The following HRH2 variants were observed in gnomAD, a reference collection of about 807,000 sequenced individuals.
HRH2 encodes the protein histamine receptor H2.
HRH2 carries 4 observed loss-of-function variants against 20.1 expected under a neutral mutation model. The observed-to-expected ratio is 0.20, with a 90% CI of 0.10 to 0.45. The LOEUF is 0.45. HRH2 is among the 20% of genes least tolerant of loss of function. The pLI, the probability that HRH2 is intolerant of heterozygous loss-of-function variation, is 0.99. For synonymous variants in HRH2, 197 were observed against 200.7 expected (o/e 0.98, Z 0.16); for missense variants, 250 against 461.6 (o/e 0.54, Z 4.20).
At chr5:175,670,116 A>G (rs2113486761) in intron 1 of HRH2, among the ~76,000 whole-genome samples, 1 of 152,244 alleles carries the variant, frequency 6.6e-6, no homozygotes, top group African/African-American at 2.4e-5. Context: ...TCCAATCCAA[A>G]GGGGACAGGT....
intron 1 of HRH2, among the ~76,000 whole-genome samples, chr5:175,668,542 C>A (rs1755397282): frequency 6.6e-6 from 1 of 152,140 alleles, no homozygotes; most frequent in Non-Finnish European, 1.5e-5. Flanking sequence ...AGGCTCAAAG[C>A]AAAGTCATCT....
chr5:175,680,804 T>TG (rs1413373327), intron 1 of HRH2, among the ~76,000 whole-genome samples: 1 of 151,980 alleles, frequency 6.6e-6, no homozygotes. Context: ...ACAGCAGAAG[T>TG]GGTGCTTCTT....
Position 175,673,191 on chromosome 5 carries a change from G to A in HRH2, c.-525-9518G>A, listed in dbSNP as rs150497470. ...TTCAGGCAAGAGAGGGTGATGGCTC[G>A]AACTAGGACTAGGACGGGGGCAGCT... is the stretch of plus-strand genomic sequence containing the variant. On this transcript the variant is annotated intron_variant, in intron 1 of 2. Coordinates refer to ENST00000636584, the MANE Select transcript of HRH2 (RefSeq NM_001367711.1). Among the ~76,000 whole-genome samples the A allele has an allele frequency of 8.6e-4, 131 of 152,206 alleles. 1 individual carries two copies. Among genetic ancestry groups the A allele is most frequent in the African/African-American group, 2.8e-3 (118 of 41,528 alleles).
rs753045214 is a variant in HRH2, at chr5:175,684,295, G to C, written c.1062G>C (p.Gln354His). Residue 354 changes from glutamine to histidine, a missense_variant, in exon 2 of 3, where the codon CAG becomes CAC. Around this residue, in one of 5 missense-constraint regions of HRH2, gnomAD observed 55 missense variants for 66.9 expected, o/e 0.82. Coordinates refer to ENST00000636584, the MANE Select transcript of HRH2 (RefSeq NM_001367711.1). The part of the protein sequence containing the change: ...VWSGTEVTAP[Q>H]GATDRKPALS... ...GTGGGACAGAAGTCACGGCCCCCCA[G>C]GGAGCCACAGACAGGTAATAGCCCT... 6.2e-6 allele frequency: 10 copies of C among 1,613,876 alleles called. No individual in the cohort carries two copies. In the East Asian group the frequency reaches 2.2e-4, roughly 36 times the overall value.
In HRH2 at chr5:175,686,273, A is replaced by T. The variant is rs898828708; in HGVS notation, c.1076+1964A>T. 2.0e-5 allele frequency: 3 copies of T among 152,252 alleles called. No homozygotes were observed. 9.4% of individuals were successfully genotyped at this position (152,252 alleles called of 1,614,324 possible). On this transcript the variant is annotated intron_variant, in intron 2 of 2. Transcript: ENST00000636584. The surrounding 1 kb of genome is among the most constrained non-coding windows in gnomAD (Gnocchi z 4.7). ...TTGCCACTCTTGGGTTTAGTCTTGT[A>T]TATCACTTTGTGCTGCCGTTACTTG...
intron 2 of HRH2, among the ~76,000 whole-genome samples, chr5:175,699,571 G>C (rs1561740863): frequency 6.7e-6 from 1 of 149,382 alleles, no homozygotes; most frequent in Non-Finnish European, 1.5e-5. Context: ...GGTTGTTTTT[G>C]TTTTGTTTGT....
At chr5:175,674,017 T>C (rs1755667005) in intron 1 of HRH2, among the ~76,000 whole-genome samples, 1 of 152,184 alleles carries the variant, frequency 6.6e-6, no homozygotes, top group Non-Finnish European at 1.5e-5. Context: ...CTCAATTTTC[T>C]TTTTCAATGT....
rs1018754615 is a variant in HRH2, at chr5:175,681,313, G to A, written c.-525-1396G>A. Among the ~76,000 whole-genome samples, 11 of 152,338 alleles carry A rather than the reference G, an allele frequency of 7.2e-5. No individual in the cohort carries two copies. The highest frequency in any genetic ancestry group is 2.6e-4 in the African/African-American group (11 of 41,580). On this transcript the variant is annotated intron_variant, in intron 1 of 2. Transcript: ENST00000636584. The surrounding 1 kb of genome is among the most constrained non-coding windows in gnomAD (Gnocchi z 4.3). Reference sequence around the variant, plus strand: ...CCCTGATCCCTGCACGAACACAATCGTTGTGATTAAATGATGCTTCTCATA... The same window carrying A: ...CCCTGATCCCTGCACGAACACAATCATTGTGATTAAATGATGCTTCTCATA...
intron 1 of HRH2, among the ~76,000 whole-genome samples, chr5:175,670,005 G>A (rs1442931805): frequency 3.3e-5 from 5 of 152,268 alleles, no homozygotes; most frequent in Non-Finnish European, 5.9e-5. Context: ...CAGCCCCCTC[G>A]GGGTGACAAA....
intron 2 of HRH2, among the ~76,000 whole-genome samples, chr5:175,696,899 C>T (rs1247317927): frequency 6.6e-6 from 1 of 152,250 alleles, no homozygotes; most frequent in Non-Finnish European, 1.5e-5. Flanking sequence ...CGCAGTGCAG[C>T]AGGAGCTCAG....
chr5:175,682,567 C>T (rs1486457051), intron 1 of HRH2, 142 bp from the exon 2 acceptor site: 1 of 152,492 alleles, frequency 6.6e-6, no homozygotes, highest in Non-Finnish European at 1.5e-5. Context: ...CAAGTCCCTC[C>T]CAAAAAGAGG....
At position 175,680,095 on chromosome 5, in the gene HRH2, G is replaced by A. The variant is rs377169264; in HGVS notation, c.-525-2614G>A. 2.8e-4 allele frequency among the ~76,000 whole-genome samples: 42 copies of A among 152,334 alleles called. 1 individual carries two copies. The South Asian group carries it at 4.6e-3, about 17-fold the overall frequency. ...GAGGATCCAGCAGGACAGTTGTGCC[G>A]TGGTTCATTAAACCTTCTTCCCCCT... On this transcript the variant is annotated intron_variant, in intron 1 of 2. Coordinates refer to ENST00000636584, the MANE Select transcript of HRH2 (RefSeq NM_001367711.1).
At chr5:175,672,133 T>G (rs541277780) in intron 1 of HRH2, among the ~76,000 whole-genome samples, 1 of 152,336 alleles carries the variant, frequency 6.6e-6, no homozygotes, top group Admixed American at 6.5e-5. Context: ...AATTTTCTGC[T>G]GAGGAAACTG....
At chr5:175,680,612 T>G (rs1388688306) in intron 1 of HRH2, among the ~76,000 whole-genome samples, 1 of 152,188 alleles carries the variant, frequency 6.6e-6, no homozygotes, top group Non-Finnish European at 1.5e-5. Flanking sequence ...ACATGATTCT[T>G]CCTCACAGGC....
At chr5:175,679,500 G>T (rs140651491) in intron 1 of HRH2, among the ~76,000 whole-genome samples, 66 of 152,362 alleles carry the variant, frequency 4.3e-4, no homozygotes, top group East Asian at 9.7e-4. Context: ...CATGTGCAAA[G>T]GCACAGAATC....
intron 1 of HRH2, among the ~76,000 whole-genome samples, chr5:175,680,083 G>T (rs186087263): frequency 2.9e-4 from 44 of 152,320 alleles, no homozygotes; most frequent in African/African-American, 1.0e-3. Flanking sequence ...GATCCAGCAG[G>T]ACAGTTGTGC....
chr5:175,684,369 G>C, intron 2 of HRH2, 60 bp downstream of exon 2: 3 of 1,571,566 alleles, frequency 1.9e-6, no homozygotes, highest in Middle Eastern at 3.5e-4. Context: ...GCTACTGATG[G>C]GAATGATTAA....
rs1307765258 is a variant in HRH2 at position 175,682,748 on chromosome 5, T to G, written c.-486T>G. The stretch of plus-strand genomic sequence containing the variant: ...TGACTCCAGAGAGGGAGATCCCCAG[T>G]ACTTGACTCCATCACGCAGATGGGA... On this transcript the variant is annotated 5_prime_UTR_variant, in exon 2 of 3. Transcript: ENST00000636584. 2 of 161,530 alleles carry G rather than the reference T, an allele frequency of 1.2e-5. No individual in the cohort carries two copies. The highest frequency in any genetic ancestry group is 4.8e-5 in the African/African-American group (2 of 41,472). 10.0% of individuals were successfully genotyped at this position (161,530 alleles called of 1,614,324 possible). A position where few individuals can be genotyped will look rare whatever the true frequency, so the allele number is the denominator to read the frequency against.
intron 1 of HRH2, among the ~76,000 whole-genome samples, chr5:175,682,429 CTG>C (rs1462692103): frequency 2.6e-5 from 4 of 152,214 alleles, no homozygotes; most frequent in Non-Finnish European, 4.4e-5. Flanking sequence ...AGCTGAAAGT[CTG>C]TGTCTAGATC....
Sources: allele counts gnomAD v4.1 joint callset (sites outside exome capture counted in the v4.1 genomes callset), GRCh38; gene constraint gnomAD v4.1.1; regional missense constraint gnomAD v4.1.1; non-coding constraint Gnocchi (gnomAD v3.1); transcripts MANE v1.5; gene names NCBI Gene and HGNC (gene_info 2026-07-23, HGNC 2026-07-21).